THSD4: variants seen among roughly 807,000 people sequenced by gnomAD.
THSD4 encodes thrombospondin type-1 domain-containing protein 4.
THSD4 carries 69 observed loss-of-function variants against 119.0 expected under a neutral mutation model. That is an observed-to-expected ratio of 0.58 (90% CI 0.48 to 0.71). The LOEUF (loss-of-function observed/expected upper bound fraction) is 0.71. Ranked by LOEUF, THSD4 falls within the 30% of genes least tolerant of loss-of-function variation. The pLI, the probability that THSD4 is intolerant of heterozygous loss-of-function variation, is 0.00. For synonymous variants in THSD4, 524 were observed against 540.4 expected (o/e 0.97, Z 0.42); for missense variants, 1,393 against 1,391.1 (o/e 1.00, Z -0.02).
intron 6 of THSD4, among the ~76,000 whole-genome samples, chr15:71,381,678 A>G (rs2140453802): frequency 6.6e-6 from 1 of 152,346 alleles, no homozygotes; most frequent in Middle Eastern, 3.4e-3. Context: ...AGAATTCATT[A>G]TAATCAGCAA....
chr15:71,689,367 G>T (rs1012653792), intron 8 of THSD4, among the ~76,000 whole-genome samples: 1 of 152,162 alleles, frequency 6.6e-6, no homozygotes, highest in Non-Finnish European at 1.5e-5. Flanking sequence ...TTCTGTGTCT[G>T]CCACTGAGCA....
chr15:71,727,573 TATATATATATATATACACACACACAC>T (rs1567122011), intron 8 of THSD4, among the ~76,000 whole-genome samples: 2 of 67,874 alleles, frequency 2.9e-5, no homozygotes, highest in African/African-American at 1.6e-4. Context: ...TATATATATA[TATATATATATATATACACACACACAC>T]ACACACACAC....
intron 7 of THSD4, among the ~76,000 whole-genome samples, chr15:71,497,705 C>A (rs114399614): frequency 6.6e-6 from 1 of 152,098 alleles, no homozygotes; most frequent in East Asian, 1.9e-4. Flanking sequence ...GCCAAGCTAG[C>A]GTCACCGTGT....
intron 7 of THSD4, among the ~76,000 whole-genome samples, chr15:71,518,801 T>C (rs1445429662): frequency 1.3e-5 from 2 of 152,178 alleles, no homozygotes; most frequent in East Asian, 1.9e-4. Flanking sequence ...TTTAGATCCA[T>C]TGTTCTGTGT....
intron 6 of THSD4, among the ~76,000 whole-genome samples, chr15:71,314,426 C>CTGTAG (rs1416458260): frequency 6.6e-6 from 1 of 152,086 alleles, no homozygotes; most frequent in Non-Finnish European, 1.5e-5. Context: ...CCTGCCTCAG[C>CTGTAG]CTCCCAGGTA....
At chr15:71,543,687 C>T (rs143869560) in intron 7 of THSD4, among the ~76,000 whole-genome samples, 2,459 of 152,264 alleles carry the variant, frequency 0.016, 26 homozygotes, top group Non-Finnish European at 0.026. Context: ...CTGGGTATAT[C>T]GACCTACAGG....
At chr15:71,369,330 T>C (rs1014483494) in intron 6 of THSD4, among the ~76,000 whole-genome samples, 83 of 152,016 alleles carry the variant, frequency 5.5e-4, no homozygotes, top group Admixed American at 4.4e-3. Context: ...TGAATAGGAG[T>C]GGTGAGAGAG....
intron 3 of THSD4, among the ~76,000 whole-genome samples, chr15:71,214,518 G>C (rs994136369): frequency 2.0e-5 from 3 of 152,198 alleles, no homozygotes; most frequent in African/African-American, 7.2e-5. Context: ...GTGAAGGTCC[G>C]CAGCTTCATT....
At chr15:71,742,322 G>C (rs574213613) in intron 11 of THSD4, among the ~76,000 whole-genome samples, 1 of 152,330 alleles carries the variant, frequency 6.6e-6, no homozygotes, top group East Asian at 1.9e-4. Flanking sequence ...CACAGCCATT[G>C]ATCAGGCCTC....
chr15:71,353,736 A>G (rs1445054846), intron 6 of THSD4, among the ~76,000 whole-genome samples: 1 of 152,250 alleles, frequency 6.6e-6, no homozygotes, highest in Admixed American at 6.5e-5. Context: ...GACTATTTCA[A>G]TGCCGGGATG....
chr15:71,340,623 T>TC (rs1222741191), intron 6 of THSD4, among the ~76,000 whole-genome samples: 1 of 150,138 alleles, frequency 6.7e-6, no homozygotes, highest in Non-Finnish European at 1.5e-5. Context: ...TTTTTTTTTT[T>TC]GCGACACAGT....
rs552714403 is a variant in THSD4, at chr15:71,486,543, C to T, written c.1152+74720C>T. 5.3e-5 allele frequency among the ~76,000 whole-genome samples: 8 copies of T among 151,766 alleles called. No individual in the cohort carries two copies. The South Asian group carries it at 1.5e-3, about 28-fold the overall frequency. Reference sequence around the variant, plus strand: ...CCATTTTGGTTATGCATGCAGTTATCGCTCACATCTTACTGAAACTTTCAT... The same window carrying T: ...CCATTTTGGTTATGCATGCAGTTATTGCTCACATCTTACTGAAACTTTCAT... On this transcript the variant is annotated intron_variant, in intron 7 of 17. Coordinates refer to ENST00000261862, the MANE Select transcript of THSD4 (RefSeq NM_024817.3).
At chr15:71,702,368 T>C (rs895275823) in intron 8 of THSD4, among the ~76,000 whole-genome samples, 5 of 152,214 alleles carry the variant, frequency 3.3e-5, no homozygotes, top group African/African-American at 9.7e-5. Flanking sequence ...TAAAAGAATT[T>C]TTCACTTAAA....
intron 7 of THSD4, among the ~76,000 whole-genome samples, chr15:71,456,800 T>G (rs893742046): frequency 2.0e-5 from 3 of 152,200 alleles, no homozygotes; most frequent in Admixed American, 6.5e-5. Flanking sequence ...CAAGAAATTT[T>G]CCCTTCAAAA....
At chr15:71,614,428 C>T (rs1302757166) in intron 7 of THSD4, among the ~76,000 whole-genome samples, 1 of 152,182 alleles carries the variant, frequency 6.6e-6, no homozygotes, top group Non-Finnish European at 1.5e-5. Flanking sequence ...CTCACACCTA[C>T]TCCTAAAGTC....
At chr15:71,493,424 C>T (rs2057919797) in intron 7 of THSD4, among the ~76,000 whole-genome samples, 2 of 152,186 alleles carry the variant, frequency 1.3e-5, no homozygotes, top group African/African-American at 4.8e-5. Context: ...TTATGTAGCA[C>T]CCCACAGGTA....
At chr15:71,612,780 C>T (rs1321141833) in intron 7 of THSD4, among the ~76,000 whole-genome samples, 3 of 152,156 alleles carry the variant, frequency 2.0e-5, no homozygotes, top group South Asian at 2.1e-4. Context: ...GCTCAAAGGT[C>T]CAAGCCAGGG....
At chr15:71,501,662 T>C (rs945564192) in intron 7 of THSD4, among the ~76,000 whole-genome samples, 2 of 152,238 alleles carry the variant, frequency 1.3e-5, no homozygotes, top group Non-Finnish European at 2.9e-5. Context: ...GAACAGCTAA[T>C]GTTTGAAGGC....
chr15:71,173,888 G>A (rs577742614), intron 3 of THSD4, among the ~76,000 whole-genome samples: 8 of 152,224 alleles, frequency 5.3e-5, no homozygotes, highest in African/African-American at 1.4e-4. Flanking sequence ...TTTGACAATG[G>A]TGCCAAGACC....
Sources: gnomAD v4.1 joint callset for allele counts (sites outside exome capture counted in the v4.1 genomes callset) on GRCh38, gnomAD v4.1.1 for gene constraint, MANE v1.5 for transcripts, NCBI Gene and HGNC (gene_info 2026-07-23, HGNC 2026-07-21) for gene names.